PPARG: variants seen among roughly 807,000 people sequenced by gnomAD.
PPARG encodes peroxisome proliferator activated receptor gamma, also known as peroxisome proliferator-activated receptor gamma.
In PPARG, 17 loss-of-function variants were observed where a neutral mutation model predicts 39.2. The observed-to-expected ratio is 0.43, with a 90% CI of 0.30 to 0.65. The LOEUF is 0.65. PPARG is among the 30% of genes least tolerant of loss of function. The probability of loss-of-function intolerance (pLI) is 0.13; values close to 1 mark genes in which losing one functional copy is unlikely to be tolerated. For synonymous variants in PPARG, 223 were observed against 215.7 expected (o/e 1.03, Z -0.30); for missense variants, 406 against 585.9 (o/e 0.69, Z 3.17).
intron 2 of PPARG, among the ~76,000 whole-genome samples, chr3:12,313,644 G>A (rs1574973090): frequency 6.6e-6 from 1 of 152,300 alleles, no homozygotes; most frequent in African/African-American, 2.4e-5. Flanking sequence ...GAGCTCTTTG[G>A]AGAAGTGGTT....
chr3:12,334,106 A>G (rs375294430), intron 2 of PPARG, among the ~76,000 whole-genome samples: 6 of 152,192 alleles, frequency 3.9e-5, no homozygotes, highest in Middle Eastern at 3.2e-3. Context: ...AAGTTCCTTA[A>G]GAGCAGGCTT....
chr3:12,371,723 GC>G (rs397876183), intron 2 of PPARG: 1 of 467,746 alleles, frequency 2.1e-6, no homozygotes, highest in Non-Finnish European at 4.1e-6. Flanking sequence ...GCTCAGAGGA[GC>G]CAAGCTGGGC....
intron 1 of PPARG, among the ~76,000 whole-genome samples, chr3:12,298,298 C>CAAAAAAAAAAAAAAA (rs58459399): frequency 4.8e-5 from 2 of 41,356 alleles, no homozygotes; most frequent in African/African-American, 3.1e-4. Flanking sequence ...GACTCTGTCT[C>CAAAAAAAAAAAAAAA]AAAAAAAAAA....
At chr3:12,306,631 A>G (rs912938457) in intron 1 of PPARG, among the ~76,000 whole-genome samples, 1 of 152,218 alleles carries the variant, frequency 6.6e-6, no homozygotes, top group Non-Finnish European at 1.5e-5. Flanking sequence ...AGGTGTAACC[A>G]TATTCACATG....
At chr3:12,378,864 A>G (rs942310776) in intron 2 of PPARG, among the ~76,000 whole-genome samples, 5 of 152,228 alleles carry the variant, frequency 3.3e-5, no homozygotes, top group African/African-American at 1.2e-4. Context: ...TTCATACTCA[A>G]AAAGGTAACT....
chr3:12,319,524 C>T (rs1029791360), intron 2 of PPARG, among the ~76,000 whole-genome samples: 1 of 152,096 alleles, frequency 6.6e-6, no homozygotes, highest in Non-Finnish European at 1.5e-5. Context: ...ATTATGAATA[C>T]GTAGAGAAAT....
At chr3:12,292,806 G>A (rs1013094536) in intron 1 of PPARG, among the ~76,000 whole-genome samples, 1 of 152,166 alleles carries the variant, frequency 6.6e-6, no homozygotes, top group African/African-American at 2.4e-5. Flanking sequence ...AGGCTTGTGT[G>A]CGTGGGCCCC....
chr3:12,361,406 T>C (rs2048843893), intron 2 of PPARG, among the ~76,000 whole-genome samples: 1 of 152,242 alleles, frequency 6.6e-6, no homozygotes. Context: ...GTGCTTTTTA[T>C]ATCCTTTGGA....
At chr3:12,367,567 G>A (rs1321741321) in intron 2 of PPARG, among the ~76,000 whole-genome samples, 3 of 151,820 alleles carry the variant, frequency 2.0e-5, no homozygotes. Context: ...AATGAACATG[G>A]GCCAAGCATA....
intron 5 of PPARG, among the ~76,000 whole-genome samples, chr3:12,401,108 C>G (rs943382797): frequency 6.6e-6 from 1 of 152,074 alleles, no homozygotes; most frequent in Non-Finnish European, 1.5e-5. Flanking sequence ...TAGTTCTGAC[C>G]CCCAATGCAG....
intron 4 of PPARG, among the ~76,000 whole-genome samples, chr3:12,386,142 G>A (rs1245982335): frequency 6.6e-6 from 1 of 152,098 alleles, no homozygotes; most frequent in Non-Finnish European, 1.5e-5. Context: ...TAATAAAAAA[G>A]TGTTATTAGA....
In PPARG at chr3:12,298,298, CAAAAAAAAAAAAAAA is replaced by C. The variant is rs58459399; in HGVS notation, c.-83+9179_-83+9193del. On this transcript the variant is annotated intron_variant, in intron 1 of 7. Transcript: ENST00000651735. The stretch of plus-strand genomic sequence containing the variant: ...TGGGCGACAGAGCGAGACTCTGTCT[CAAAAAAAAAAAAAAA>C]AAAAAAAAAAAAAAGAAATGTAAAA... Among the ~76,000 whole-genome samples the C allele has an allele frequency of 2.7e-4, 11 of 41,358 alleles. No individual in the cohort carries two copies. In the East Asian group the frequency reaches 4.4e-3, roughly 17 times the overall value. 27.1% of individuals were successfully genotyped at this position (41,358 alleles called of 152,430 possible).
intron 2 of PPARG, among the ~76,000 whole-genome samples, chr3:12,338,512 A>G (rs2048081866): frequency 1.3e-5 from 2 of 152,228 alleles, no homozygotes; most frequent in African/African-American, 2.4e-5. Flanking sequence ...TAACTTAAAT[A>G]TGTGTAAAAC....
chr3:12,402,315 G>A (rs893199064), intron 5 of PPARG, among the ~76,000 whole-genome samples: 1 of 152,146 alleles, frequency 6.6e-6, no homozygotes, highest in Admixed American at 6.5e-5. Context: ...ACACCAGAAT[G>A]CCTTCTTCTT....
At chr3:12,426,160 A>C (rs1475592502) in intron 7 of PPARG, among the ~76,000 whole-genome samples, 3 of 152,198 alleles carry the variant, frequency 2.0e-5, no homozygotes, top group Admixed American at 6.5e-5. Flanking sequence ...ATCCCGCTCC[A>C]CCATCCTGGC....
chr3:12,424,259 T>A (rs1575151156), intron 7 of PPARG, among the ~76,000 whole-genome samples: 1 of 152,342 alleles, frequency 6.6e-6, no homozygotes, highest in East Asian at 1.9e-4. Flanking sequence ...TGATATACTT[T>A]AAACATATAC....
chr3:12,386,436 C>T (rs1205251628), intron 4 of PPARG, among the ~76,000 whole-genome samples: 1 of 151,782 alleles, frequency 6.6e-6, no homozygotes, highest in Non-Finnish European at 1.5e-5. Context: ...GACCTTGGAT[C>T]ATCACAAAAA....
intron 5 of PPARG, among the ~76,000 whole-genome samples, chr3:12,398,543 A>G (rs2050348533): frequency 6.6e-6 from 1 of 152,252 alleles, no homozygotes; most frequent in Non-Finnish European, 1.5e-5. Flanking sequence ...ATTTCAGTGA[A>G]GAGAGAGCAG....
chr3:12,430,616 G>A (rs1051781062), intron 7 of PPARG, among the ~76,000 whole-genome samples: 5 of 152,294 alleles, frequency 3.3e-5, no homozygotes, highest in South Asian at 2.1e-4. Flanking sequence ...CCCTTGGCAC[G>A]ATCTTTGGAA....
Sources: allele counts gnomAD v4.1 joint callset (sites outside exome capture counted in the v4.1 genomes callset), GRCh38; gene constraint gnomAD v4.1.1; transcripts MANE v1.5; gene names NCBI Gene and HGNC (gene_info 2026-07-23, HGNC 2026-07-21).